USP14: variants seen among roughly 807,000 people sequenced by gnomAD.
The protein encoded by USP14 is ubiquitin carboxyl-terminal hydrolase 14.
A neutral mutation model predicts 76.5 loss-of-function variants in USP14; 38 were observed. That is an observed-to-expected ratio of 0.50 (90% CI 0.38 to 0.65). The LOEUF (loss-of-function observed/expected upper bound fraction) is 0.65, where lower values mean the gene tolerates loss of function less well. Ranked by LOEUF, USP14 falls within the 30% of genes least tolerant of loss-of-function variation. The pLI is 0.00. For missense variants in USP14, 467 were observed against 586.5 expected (o/e 0.80, Z 2.10); for synonymous variants, 192 against 191.7 (o/e 1.00, Z -0.01).
chr18:169,983 A>G (rs1909397072), intron 3 of USP14, among the ~76,000 whole-genome samples: 2 of 151,974 alleles, frequency 1.3e-5, no homozygotes, highest in African/African-American at 4.8e-5. Flanking sequence ...CCCTGAGACA[A>G]GACAGTATTG....
rs982310832 is a variant in USP14 at position 212,116 on chromosome 18, C to G, written c.*832C>G. The G allele has an allele frequency of 6.6e-6, 1 of 152,154 alleles. No homozygotes were observed. The highest frequency in any genetic ancestry group is 1.5e-5 in the Non-Finnish European group (1 of 68,038). The allele number at this position is 152,154 out of a possible 1,614,324, so 9.4% of individuals were successfully genotyped here. On this transcript the variant is annotated 3_prime_UTR_variant, in exon 16 of 16. Coordinates refer to ENST00000261601, the MANE Select transcript of USP14 (RefSeq NM_005151.4). ...GGCTGAAGACATGTTTAATACTGTA[C>G]AATTTCTGAAGATGGTTATTAACAC...
rs1388215828 is a variant in USP14 at position 212,912 on chromosome 18, A to AAAAT, written c.*1630_*1633dup. The AAAAT allele has an allele frequency of 1.3e-5, 2 of 152,240 alleles. No homozygotes were observed. The highest frequency in any genetic ancestry group is 4.8e-5 in the African/African-American group (2 of 41,468). 9.4% of individuals were successfully genotyped at this position (152,240 alleles called of 1,614,324 possible). A position where few individuals can be genotyped will look rare whatever the true frequency, so the allele number is the denominator to read the frequency against. ...AGCACAACACTGATGATAACTATTAAAAATAGAAAATAACAGCCATTTTAC... is the reference window on the plus strand; with the variant it reads ...AGCACAACACTGATGATAACTATTAAAAATAAATAGAAAATAACAGCCATTTTAC... On this transcript the variant is annotated 3_prime_UTR_variant, in exon 16 of 16. Coordinates refer to ENST00000261601, the MANE Select transcript of USP14 (RefSeq NM_005151.4).
At chr18:180,431 A>G (rs1484469744) in intron 5 of USP14, 92 bp downstream of exon 5, 7 of 743,372 alleles carry the variant, frequency 9.4e-6, no homozygotes, top group Non-Finnish European at 1.6e-5. Context: ...TAATTGAGAT[A>G]TAATTAATTT....
At chr18:159,044 A>G (rs879724188) in intron 1 of USP14, 8 of 272,148 alleles carry the variant, frequency 2.9e-5, no homozygotes, top group East Asian at 6.5e-5. Flanking sequence ...GCGCTGGGCC[A>G]GGCTGGAGGT....
chr18:197,478 A>C, intron 7 of USP14, 138 bp from the exon 8 acceptor site: 1 of 619,588 alleles, frequency 1.6e-6, no homozygotes, highest in East Asian at 2.8e-5. Context: ...ATTTTTTGGA[A>C]GATCGTATGT....
intron 12 of USP14, among the ~76,000 whole-genome samples, chr18:203,445 G>C (rs1166193367): frequency 6.7e-6 from 1 of 150,066 alleles, no homozygotes; most frequent in Non-Finnish European, 1.5e-5. Flanking sequence ...TGGGGCCTAG[G>C]ATATTATATT....
In USP14 at chr18:174,689, T is replaced by C. The variant is rs925395384; in HGVS notation, c.196-4244T>C. Among the ~76,000 whole-genome samples the C allele has an allele frequency of 3.3e-5, 5 of 151,870 alleles. No individual in the cohort carries two copies. In the East Asian group the frequency reaches 7.8e-4, roughly 24 times the overall value. On this transcript the variant is annotated intron_variant, in intron 3 of 15. Coordinates refer to ENST00000261601, the MANE Select transcript of USP14 (RefSeq NM_005151.4). ...GCACAATCATAGCTCGCTGCAGCCT[T>C]GAATTCTGGGGCTCAAGGGGTTCTC... is the stretch of plus-strand genomic sequence containing the variant.
intron 1 of USP14, among the ~76,000 whole-genome samples, chr18:160,856 A>C (rs1431722764): frequency 1.3e-5 from 2 of 152,202 alleles, no homozygotes; most frequent in Non-Finnish European, 2.9e-5. Flanking sequence ...AACCAGACTA[A>C]AGTGGCCTTT....
In USP14 at chr18:213,291, G is replaced by GTA. The variant is rs367731566; in HGVS notation, c.*2012_*2013dup. The GTA allele has an allele frequency of 7.2e-5, 11 of 152,252 alleles. No homozygotes were observed. Among genetic ancestry groups the GTA allele is most frequent in the African/African-American group, 2.6e-4 (11 of 41,542 alleles). The allele number at this position is 152,252 out of a possible 1,614,324, so 9.4% of individuals were successfully genotyped here. A position where few individuals can be genotyped will look rare whatever the true frequency, so the allele number is the denominator to read the frequency against. On this transcript the variant is annotated 3_prime_UTR_variant, in exon 16 of 16. Coordinates refer to ENST00000261601, the MANE Select transcript of USP14 (RefSeq NM_005151.4). ...CCAGGTGAGCTAGGTTTAGAGCAAA[G>GTA]TATATAAGCCTTGTATGGACTATAT... is the stretch of plus-strand genomic sequence containing the variant.
intron 6 of USP14, among the ~76,000 whole-genome samples, chr18:196,204 A>G (rs1910229928): frequency 6.6e-6 from 1 of 151,922 alleles, no homozygotes; most frequent in Non-Finnish European, 1.5e-5. Flanking sequence ...TGCTCCTGTA[A>G]TCCCAGCTAC....
rs142746853 is a variant in USP14, at chr18:195,989, A to C, written c.464-648A>C. ...TTTAAAAAGGATTTTTTTTTTTCTTATTGAGAGTCCAACAATTGTCAAAGA... is the reference window on the plus strand; with the variant it reads ...TTTAAAAAGGATTTTTTTTTTTCTTCTTGAGAGTCCAACAATTGTCAAAGA... On this transcript the variant is annotated intron_variant, in intron 6 of 15. Transcript: ENST00000261601. Among the ~76,000 whole-genome samples the C allele has an allele frequency of 2.2e-3, 334 of 150,782 alleles. 3 individuals are homozygous for C. The highest frequency in any genetic ancestry group is 4.5e-3 in the East Asian group (23 of 5,148).
intron 5 of USP14, among the ~76,000 whole-genome samples, chr18:186,486 C>T (rs998827083): frequency 6.6e-6 from 1 of 152,202 alleles, no homozygotes; most frequent in South Asian, 2.1e-4. Context: ...GGAGCAGTGG[C>T]TCATGCTTGT....
At chr18:164,794 G>A (rs1909223467) in intron 2 of USP14, among the ~76,000 whole-genome samples, 1 of 151,890 alleles carries the variant, frequency 6.6e-6, no homozygotes, top group African/African-American at 2.4e-5. Context: ...ACTCCTACCT[G>A]GAGATGGGAG....
At chr18:167,934 C>CT (rs34207469) in intron 3 of USP14, among the ~76,000 whole-genome samples, 18,159 of 116,176 alleles carry the variant, frequency 0.16, 1,890 homozygotes, top group Non-Finnish European at 0.22. Context: ...ATTTTTCTCT[C>CT]TTTTTTTTTT....
intron 3 of USP14, among the ~76,000 whole-genome samples, chr18:175,911 C>G (rs1235813926): frequency 6.6e-6 from 1 of 151,998 alleles, no homozygotes; most frequent in East Asian, 1.9e-4. Context: ...AATTTAGTGT[C>G]TTTAATAAAT....
intron 6 of USP14, among the ~76,000 whole-genome samples, chr18:195,329 A>T (rs1164768144): frequency 6.6e-6 from 1 of 152,018 alleles, no homozygotes; most frequent in Non-Finnish European, 1.5e-5. Context: ...CATTGTGTTC[A>T]GTTTTGTTAT....
intron 3 of USP14, among the ~76,000 whole-genome samples, chr18:169,996 A>G (rs1909397539): frequency 1.3e-5 from 2 of 152,024 alleles, no homozygotes; most frequent in South Asian, 4.1e-4. Context: ...CAGTATTGAA[A>G]TTAGGCCAAT....
chr18:203,910 C>G (rs182003691), intron 12 of USP14, among the ~76,000 whole-genome samples: 3 of 152,184 alleles, frequency 2.0e-5, no homozygotes, highest in Admixed American at 2.0e-4. Flanking sequence ...CACTGGTGCC[C>G]AAAGAGTACT....
chr18:163,247 A>G, intron 1 of USP14, 61 bp from the exon 2 acceptor site: 1 of 1,481,260 alleles, frequency 6.8e-7, no homozygotes, highest in South Asian at 1.3e-5. Context: ...GTGATCTTCT[A>G]AGGGTCTGTA....
Sources: allele counts gnomAD v4.1 joint callset (sites outside exome capture counted in the v4.1 genomes callset), GRCh38; gene constraint gnomAD v4.1.1; transcripts MANE v1.5; gene names NCBI Gene and HGNC (gene_info 2026-07-23, HGNC 2026-07-21).